Variants in NR6A1 observed in about 807,000 individuals in gnomAD.
NR6A1 encodes nuclear receptor subfamily 6 group A member 1, also known as retinoic acid receptor-related testis-associated receptor.
NR6A1 carries 7 observed loss-of-function variants against 59.1 expected under a neutral mutation model. That is an observed-to-expected ratio of 0.12 (90% CI 0.07 to 0.22). The LOEUF is 0.22. Ranked by LOEUF, NR6A1 falls within the 10% of genes least tolerant of loss-of-function variation. NR6A1 has a pLI of 1.00. For synonymous variants in NR6A1, 243 were observed against 236.1 expected (o/e 1.03, Z -0.27); for missense variants, 468 against 611.6 (o/e 0.77, Z 2.48).
rs2130827184 is a variant in NR6A1 at position 124,603,665 on chromosome 9, T to G, written c.143-49095A>C. The stretch of plus-strand genomic sequence containing the variant: ...GATTCCGAAATATGAGACCAAGGAC[T>G]GTGCCCCATATTTTTGCCAACCAGT... On this transcript the variant is annotated intron_variant, in intron 2 of 9. Transcript: ENST00000487099. Among the ~76,000 whole-genome samples, 2 of 152,296 alleles carry G rather than the reference T, an allele frequency of 1.3e-5. 1 individual carries two copies. The highest frequency in any genetic ancestry group is 4.1e-4 in the South Asian group (2 of 4,824).
chr9:124,691,621 G>C (rs549431723), intron 2 of NR6A1, among the ~76,000 whole-genome samples: 3 of 152,274 alleles, frequency 2.0e-5, no homozygotes, highest in Admixed American at 6.5e-5. Flanking sequence ...CAGAACAAAT[G>C]ACATCTGACA....
chr9:124,633,949 T>A (rs1258331655), intron 2 of NR6A1, among the ~76,000 whole-genome samples: 1 of 152,268 alleles, frequency 6.6e-6, no homozygotes, highest in Non-Finnish European at 1.5e-5. Context: ...AATGTACTGT[T>A]AAAGGAACAG....
intron 1 of NR6A1, among the ~76,000 whole-genome samples, chr9:124,744,363 T>C (rs1840262700): frequency 6.6e-6 from 1 of 152,252 alleles, no homozygotes; most frequent in Non-Finnish European, 1.5e-5. Context: ...AGGCATCAGC[T>C]TGACACTTTA....
intron 2 of NR6A1, chr9:124,692,477 A>G (rs1838584461): frequency 1.9e-6 from 1 of 532,456 alleles, no homozygotes; most frequent in South Asian, 1.4e-5. Flanking sequence ...GAGGACTCCA[A>G]GGAACATTCA....
intron 2 of NR6A1, among the ~76,000 whole-genome samples, chr9:124,715,957 C>T (rs1588822566): frequency 1.3e-5 from 2 of 152,178 alleles, no homozygotes; most frequent in African/African-American, 4.8e-5. Context: ...AATCCCAACA[C>T]TTTGGGAGGC....
At chr9:124,595,719 C>T in intron 2 of NR6A1, 1 of 1,181,942 alleles carries the variant, frequency 8.5e-7, no homozygotes, top group Non-Finnish European at 1.1e-6. Context: ...ATTTCTAACC[C>T]TTAGATTTGG....
intron 2 of NR6A1, among the ~76,000 whole-genome samples, chr9:124,721,469 A>C (rs1839561830): frequency 6.6e-6 from 1 of 152,194 alleles, no homozygotes; most frequent in Non-Finnish European, 1.5e-5. Flanking sequence ...GGAAGCAGGC[A>C]CTCGGAACTG....
intron 1 of NR6A1, among the ~76,000 whole-genome samples, chr9:124,749,907 C>T (rs1295546979): frequency 6.6e-6 from 1 of 152,222 alleles, no homozygotes; most frequent in Non-Finnish European, 1.5e-5. Context: ...TTCCCCACAG[C>T]TCAACTGGAC....
intron 2 of NR6A1, among the ~76,000 whole-genome samples, chr9:124,704,979 G>A (rs910446143): frequency 1.6e-4 from 24 of 152,272 alleles, no homozygotes; most frequent in African/African-American, 4.1e-4. Context: ...CAAGTGATCC[G>A]CCCACCTTGG....
intron 2 of NR6A1, among the ~76,000 whole-genome samples, chr9:124,558,279 C>G (rs1316357730): frequency 6.6e-6 from 1 of 152,150 alleles, no homozygotes; most frequent in Non-Finnish European, 1.5e-5. Flanking sequence ...AAAGGCCACA[C>G]TGAGATCAAA....
chr9:124,763,693 TTC>T (rs1371109986), intron 1 of NR6A1, among the ~76,000 whole-genome samples: 9 of 152,184 alleles, frequency 5.9e-5, no homozygotes, highest in Non-Finnish European at 1.3e-4. Flanking sequence ...CACAGAAGTG[TTC>T]TGTCTTCTAG....
At chr9:124,616,734 T>A (rs1835905402) in intron 2 of NR6A1, among the ~76,000 whole-genome samples, 1 of 152,082 alleles carries the variant, frequency 6.6e-6, no homozygotes. Flanking sequence ...CCTAATATGA[T>A]TAGAATGAGT....
chr9:124,578,750 C>T (rs1336090015), intron 2 of NR6A1, among the ~76,000 whole-genome samples: 2 of 152,196 alleles, frequency 1.3e-5, no homozygotes, highest in African/African-American at 4.8e-5. Context: ...TCTACTTCCT[C>T]TAGAAGATGA....
intron 2 of NR6A1, among the ~76,000 whole-genome samples, chr9:124,615,919 C>A (rs996882224): frequency 1.3e-5 from 2 of 152,016 alleles, no homozygotes; most frequent in African/African-American, 2.4e-5. Flanking sequence ...ACTGCAACCT[C>A]CATGACCATG....
chr9:124,631,785 AT>A (rs1459656805), intron 2 of NR6A1, among the ~76,000 whole-genome samples: 2 of 152,112 alleles, frequency 1.3e-5, no homozygotes, highest in Non-Finnish European at 2.9e-5. Flanking sequence ...CCTAGTATCC[AT>A]TAGTTATTTT....
At chr9:124,684,770 A>G (rs1313854163) in intron 2 of NR6A1, among the ~76,000 whole-genome samples, 1 of 152,190 alleles carries the variant, frequency 6.6e-6, no homozygotes, top group African/African-American at 2.4e-5. Context: ...ATCACTTTAC[A>G]GCTATTTCTC....
chr9:124,546,081 C>T (rs1461602242), intron 3 of NR6A1, among the ~76,000 whole-genome samples: 1 of 152,220 alleles, frequency 6.6e-6, no homozygotes, highest in East Asian at 1.9e-4. Context: ...TGCTATTGCA[C>T]TCCAGCCTGG....
intron 2 of NR6A1, among the ~76,000 whole-genome samples, chr9:124,661,430 C>A (rs565657047): frequency 4.6e-5 from 7 of 152,160 alleles, no homozygotes; most frequent in Non-Finnish European, 7.3e-5. Context: ...GGAGACCCTG[C>A]ACAAGGAAGC....
intron 2 of NR6A1, among the ~76,000 whole-genome samples, chr9:124,725,388 T>C (rs1173012529): frequency 6.7e-6 from 1 of 150,148 alleles, no homozygotes; most frequent in Non-Finnish European, 1.5e-5. Context: ...ACACTAAAGG[T>C]ATTTAAAAAA....
Sources: gnomAD v4.1 joint callset for allele counts (sites outside exome capture counted in the v4.1 genomes callset) on GRCh38, gnomAD v4.1.1 for gene constraint, MANE v1.5 for transcripts, NCBI Gene and HGNC (gene_info 2026-07-23, HGNC 2026-07-21) for gene names.